The following IKZF2 variants were observed in gnomAD, a reference collection of about 807,000 sequenced individuals.
The protein encoded by IKZF2 is zinc finger protein Helios.
IKZF2 carries 15 observed loss-of-function variants against 49.2 expected under a neutral mutation model. The observed-to-expected ratio is 0.30, with a 90% CI of 0.20 to 0.47. The LOEUF (loss-of-function observed/expected upper bound fraction) is 0.47. IKZF2 is among the 20% of genes least tolerant of loss of function. The pLI, the probability that IKZF2 is intolerant of heterozygous loss-of-function variation, is 1.00. For missense variants in IKZF2, 567 were observed against 664.6 expected, an observed-to-expected ratio of 0.85 and a Z score of 1.61; for synonymous variants, 227 against 221.4, an observed-to-expected ratio of 1.03 and a Z score of -0.23.
At chr2:213,111,255 A>C (rs6734831) in intron 4 of IKZF2, among the ~76,000 whole-genome samples, 5,461 of 152,076 alleles carry the variant, frequency 0.036, 346 homozygotes, top group African/African-American at 0.12. Flanking sequence ...TCATGTATAT[A>C]TCTTTGTTCC....
chr2:213,134,035 A>C (rs142448624), intron 4 of IKZF2, among the ~76,000 whole-genome samples: 1 of 152,324 alleles, frequency 6.6e-6, no homozygotes, highest in African/African-American at 2.4e-5. Flanking sequence ...ATAAATTTTT[A>C]CTACAGTATT....
chr2:213,150,904 G>GTT (rs199710880), intron 1 of IKZF2, among the ~76,000 whole-genome samples: 15 of 139,110 alleles, frequency 1.1e-4, no homozygotes, highest in East Asian at 8.3e-4. Flanking sequence ...AGGGTTTTTG[G>GTT]TTTTTTTTTT....
chr2:213,152,347 C>T (rs2061305980), upstream of IKZF2: 1 of 152,284 alleles, frequency 6.6e-6, no homozygotes, highest in Admixed American at 6.5e-5. Context: ...GGCCCCATTT[C>T]GGAAAGCGCA....
intron 4 of IKZF2, among the ~76,000 whole-genome samples, chr2:213,084,277 A>G (rs994632953): frequency 2.0e-5 from 3 of 152,200 alleles, no homozygotes; most frequent in Admixed American, 2.0e-4. Context: ...ATTTGAGATA[A>G]TAACTTTCCA....
chr2:213,095,037 T>C (rs772522546), intron 4 of IKZF2, among the ~76,000 whole-genome samples: 1 of 152,164 alleles, frequency 6.6e-6, no homozygotes. Context: ...ATGTTATTCA[T>C]AGTTGTTCAT....
intron 4 of IKZF2, among the ~76,000 whole-genome samples, chr2:213,125,591 A>G (rs189710884): frequency 8.1e-4 from 124 of 152,332 alleles, no homozygotes; most frequent in Non-Finnish European, 1.1e-3. Flanking sequence ...CACTTTATCT[A>G]CTAAAATATT....
chr2:213,056,958 C>G lies in IKZF2; in HGVS notation c.281G>C (p.Arg94Thr), dbSNP rs780923477. ...CTCGCCTTGAAGCTCCTGGACTTTCCTGTTGTCAGCCACCTCGCTGCTCTC... is the reference window on the plus strand; with the variant it reads ...CTCGCCTTGAAGCTCCTGGACTTTCGTGTTGTCAGCCACCTCGCTGCTCTC... Reference protein sequence around the residue: ...LIESSEVADNRKVQELQGEGG... With the variant: ...LIESSEVADNTKVQELQGEGG... The change falls in exon 5 of 9, where the codon AGG (arginine) becomes ACG (threonine). Residue 94 changes from arginine (R) to threonine (T), a missense_variant. Transcript: ENST00000434687. 1.2e-6 allele frequency: 2 copies of G among 1,613,838 alleles called. No homozygotes were observed. The highest frequency in any genetic ancestry group is 2.2e-5 in the East Asian group (1 of 44,852).
At chr2:213,010,029 G>C (rs1695777213) in intron 8 of IKZF2, among the ~76,000 whole-genome samples, 1 of 152,066 alleles carries the variant, frequency 6.6e-6, no homozygotes, top group African/African-American at 2.4e-5. Flanking sequence ...AGATTGAAGG[G>C]GATAAACAAG....
At chr2:213,043,071 C>T (rs952000033) in intron 6 of IKZF2, among the ~76,000 whole-genome samples, 2 of 151,806 alleles carry the variant, frequency 1.3e-5, no homozygotes, top group Non-Finnish European at 1.5e-5. Flanking sequence ...AACCTAACTA[C>T]CAGGCCTATG....
intron 4 of IKZF2, among the ~76,000 whole-genome samples, chr2:213,127,086 G>T (rs765381984): frequency 2.0e-4 from 31 of 152,246 alleles, no homozygotes; most frequent in Admixed American, 3.3e-4. Context: ...GCTATTACAG[G>T]ACACGGTTTG....
intron 4 of IKZF2, among the ~76,000 whole-genome samples, chr2:213,077,214 A>T (rs890502109): frequency 6.6e-6 from 1 of 152,248 alleles, no homozygotes; most frequent in African/African-American, 2.4e-5. Flanking sequence ...TGAACAAATA[A>T]GTGTATTAAT....
At chr2:213,151,718 CGGCGGCTGCGGCGGCGGCGGCGGCG>C (rs1559339923), upstream of IKZF2, 2 of 146,794 alleles carry the variant, frequency 1.4e-5, no homozygotes, top group South Asian at 1.8e-4. Context: ...GGCGGGCTGG[CGGCGGCTGCGGCGGCGGCGGCGGCG>C]GGCGGCTGGC....
intron 4 of IKZF2, among the ~76,000 whole-genome samples, chr2:213,104,776 G>A (rs1269436385): frequency 2.0e-5 from 3 of 152,158 alleles, no homozygotes; most frequent in African/African-American, 7.2e-5. Context: ...TTTGCATTTA[G>A]ATGCCAACTT....
At chr2:213,039,195 T>C (rs1699363873) in intron 6 of IKZF2, among the ~76,000 whole-genome samples, 1 of 152,014 alleles carries the variant, frequency 6.6e-6, no homozygotes, top group African/African-American at 2.4e-5. Context: ...TCATAATAGG[T>C]GAAGGCATAA....
intron 5 of IKZF2, among the ~76,000 whole-genome samples, chr2:213,052,724 T>A (rs10497989): frequency 0.23 from 34,384 of 151,972 alleles, 4,313 homozygotes; most frequent in Non-Finnish European, 0.27. Context: ...AGAAGTAATA[T>A]CCATATCTGT....
chr2:213,143,102 C>T (rs939227819), intron 4 of IKZF2, among the ~76,000 whole-genome samples: 7 of 151,776 alleles, frequency 4.6e-5, no homozygotes, highest in Non-Finnish European at 8.8e-5. Flanking sequence ...TTGATATTTC[C>T]AAATATGATA....
intron 4 of IKZF2, among the ~76,000 whole-genome samples, chr2:213,080,555 C>A (rs189981169): frequency 1.6e-3 from 239 of 152,144 alleles, no homozygotes; most frequent in Middle Eastern, 6.8e-3. Flanking sequence ...TAATGTATGA[C>A]TGTAAGAGAC....
intron 2 of IKZF2, among the ~76,000 whole-genome samples, chr2:213,149,365 C>A (rs2061192849): frequency 6.7e-6 from 1 of 149,014 alleles, no homozygotes; most frequent in Non-Finnish European, 1.5e-5. Flanking sequence ...AAAAAAAAAA[C>A]TTTGGGCAAT....
At chr2:213,098,026 CA>C in intron 4 of IKZF2, 3 of 240,720 alleles carry the variant, frequency 1.2e-5, no homozygotes, top group South Asian at 4.7e-5. Context: ...TAATCAATCT[CA>C]AAAAAGTCAC....
Sources: gnomAD v4.1 joint callset for allele counts (sites outside exome capture counted in the v4.1 genomes callset) on GRCh38, gnomAD v4.1.1 for gene constraint, MANE v1.5 for transcripts, NCBI Gene and HGNC (gene_info 2026-07-23, HGNC 2026-07-21) for gene names.